POM121: variants seen among roughly 807,000 people sequenced by gnomAD.
POM121 encodes nuclear envelope pore membrane protein POM 121.
A neutral mutation model predicts 81.3 loss-of-function variants in POM121; 32 were observed. The observed-to-expected ratio is 0.39, with a 90% CI of 0.30 to 0.53. The LOEUF (loss-of-function observed/expected upper bound fraction) is 0.53, where lower values mean the gene tolerates loss of function less well. Ranked by LOEUF, POM121 falls within the 20% of genes least tolerant of loss-of-function variation. POM121 has a pLI of 0.66. For missense variants in POM121, 1,138 were observed against 1,614.6 expected, an observed-to-expected ratio of 0.70 and a Z score of 5.06; for synonymous variants, 514 against 694.2, an observed-to-expected ratio of 0.74 and a Z score of 4.08.
chr7:72,910,186 G>A (rs1220858508), intron 3 of POM121, among the ~76,000 whole-genome samples: 2 of 152,164 alleles, frequency 1.3e-5, no homozygotes, highest in Non-Finnish European at 2.9e-5. Flanking sequence ...TTTTCAATGC[G>A]AAAATAAAAT....
At chr7:72,948,932 T>C (rs546567241), downstream of POM121, 48 of 1,612,632 alleles carry the variant, frequency 3.0e-5, no homozygotes, top group South Asian at 8.8e-5. Context: ...TCTTGTACCA[T>C]GTCTTCATTC....
intron 3 of POM121, among the ~76,000 whole-genome samples, chr7:72,903,205 G>A (rs1792882806): frequency 6.6e-6 from 1 of 152,214 alleles, no homozygotes; most frequent in South Asian, 2.1e-4. Flanking sequence ...GGAGGCCAAG[G>A]TGGGCAGATT....
chr7:72,892,833 A>G (rs1554491112), intron 3 of POM121, among the ~76,000 whole-genome samples: 3 of 151,784 alleles, frequency 2.0e-5, no homozygotes, highest in African/African-American at 7.3e-5. Context: ...TGCCTGGCTA[A>G]TTTTTATATT....
rs1554500467 is a variant in POM121 at position 72,939,889 on chromosome 7, A to T, written c.1484A>T (p.Gln495Leu). ...TPRKKQNSNSQSTPGSSGQRK... is the reference protein window; with the variant it reads ...TPRKKQNSNSLSTPGSSGQRK... The stretch of plus-strand genomic sequence containing the variant: ...AGGAAGAAACAAAACTCGAATTCTC[A>T]GTCTACACCTGGCAGCTCTGGGCAG... Residue 495 changes from glutamine to leucine, a missense_variant, in exon 8 of 13, where the codon CAG becomes CTG. This residue lies in a region of POM121 where 24 missense variants were observed against 54.3 expected (regional missense o/e 0.44). Transcript: ENST00000434423. The T allele has an allele frequency of 2.5e-6, 4 of 1,609,816 alleles. No individual in the cohort carries two copies. In the South Asian group the frequency reaches 4.4e-5, roughly 18 times the overall value.
At chr7:72,920,644 G>A (rs1248610542), upstream of POM121, among the ~76,000 whole-genome samples, 11 of 150,204 alleles carry the variant, frequency 7.3e-5, no homozygotes, top group East Asian at 2.0e-4. Context: ...GTGAGCCACC[G>A]TGCCCAGCCA....
At chr7:72,918,294 G>A (rs1794483303) in intron 4 of POM121, among the ~76,000 whole-genome samples, 1 of 152,110 alleles carries the variant, frequency 6.6e-6, no homozygotes, top group Admixed American at 6.5e-5. Flanking sequence ...GTTTTTCCTT[G>A]ACACTTTTCG....
chr7:72,879,747 G>C, exon 1 of POM121: 3 of 479,224 alleles, frequency 6.3e-6, no homozygotes, highest in South Asian at 4.5e-5. Context: ...CCGTAGGCCC[G>C]GCCCGGGCCC....
chr7:72,892,705 G>T (rs71560457), intron 3 of POM121, among the ~76,000 whole-genome samples: 1 of 146,380 alleles, frequency 6.8e-6, no homozygotes, highest in Non-Finnish European at 1.5e-5. Context: ...CGCTCTTGTC[G>T]CCCAGGCTGG....
At position 72,946,246 on chromosome 7, in the gene POM121, T is replaced by C. The variant is rs1797681345; in HGVS notation, c.*12T>C. ...CCCGCAAAAAGTAGCCTTTGTCCCC[T>C]GTCCCTGTTCCCCCCACCCCTTCCC... On this transcript the variant is annotated 3_prime_UTR_variant, in exon 13 of 13. Transcript: ENST00000434423. 9 of 1,610,174 alleles carry C rather than the reference T, an allele frequency of 5.6e-6. No individual in the cohort carries two copies. The highest frequency in any genetic ancestry group is 2.3e-4 in the Middle Eastern group (1 of 4,440).
intron 3 of POM121, among the ~76,000 whole-genome samples, chr7:72,898,979 CTTTTTTTTT>C (rs1176371162): frequency 5.9e-5 from 2 of 34,102 alleles, no homozygotes; most frequent in East Asian, 9.0e-4. Flanking sequence ...CTTTTCTTTT[CTTTTTTTTT>C]TTTTTTTTTT....
At position 72,936,223 on chromosome 7, in the gene POM121, C is replaced by A. The variant is rs559713092; in HGVS notation, c.1276-2367C>A. Among the ~76,000 whole-genome samples, 307 of 152,194 alleles carry A rather than the reference C, an allele frequency of 2.0e-3. 2 individuals are homozygous for A. Among genetic ancestry groups the A allele is most frequent in the African/African-American group, 5.6e-3 (232 of 41,508 alleles). ...TTTTTTCTTGGTAGAGATGAGACTTCACTATGTTACCTAGGCTGGTCTCAA... is the reference window on the plus strand; with the variant it reads ...TTTTTTCTTGGTAGAGATGAGACTTAACTATGTTACCTAGGCTGGTCTCAA... On this transcript the variant is annotated intron_variant, in intron 5 of 12. Coordinates refer to ENST00000434423, the MANE Select transcript of POM121 (RefSeq NM_001387691.1).
At chr7:72,890,167 A>G (rs1791158992) in intron 1 of POM121, among the ~76,000 whole-genome samples, 1 of 152,108 alleles carries the variant, frequency 6.6e-6, no homozygotes, top group South Asian at 2.1e-4. Context: ...AAGGAGCTGA[A>G]ACTAGGTGAG....
chr7:72,894,829 T>C (rs1185407240), intron 3 of POM121, among the ~76,000 whole-genome samples: 3 of 151,862 alleles, frequency 2.0e-5, no homozygotes, highest in Non-Finnish European at 4.4e-5. Flanking sequence ...CCTGGCTAAT[T>C]TTAAAAGTTT....
At chr7:72,945,827 T>G in intron 12 of POM121, 119 bp downstream of exon 12, 1 of 1,464,082 alleles carries the variant, frequency 6.8e-7, no homozygotes, top group Non-Finnish European at 9.1e-7. Context: ...GAAAGACATT[T>G]CGGGTTAGGA....
chr7:72,943,040 A>C lies in POM121; in HGVS notation c.3047A>C (p.Lys1016Thr). ...ACACCTGCACCTCCGTCCATGATCA[A>C]GGTCGTGCCTGCGTACGTGCCTACG... is the stretch of plus-strand genomic sequence containing the variant. Reference protein sequence around the residue: ...APTPAPPSMIKVVPAYVPTPI... With the variant: ...APTPAPPSMITVVPAYVPTPI... The change falls in exon 11 of 13, where the codon AAG becomes ACG. Residue 1016 changes from lysine to threonine, a missense_variant. Lys to Thr is a moderately conservative substitution (Grantham distance 78). Around this residue, in one of 7 missense-constraint regions of POM121, gnomAD observed 336 missense variants for 344.3 expected, o/e 0.98. Coordinates refer to ENST00000434423, the MANE Select transcript of POM121 (RefSeq NM_001387691.1). 1 of 1,613,822 alleles carries C rather than the reference A, an allele frequency of 6.2e-7. No individual in the cohort carries two copies. Among genetic ancestry groups the C allele is most frequent in the Non-Finnish European group, 8.5e-7 (1 of 1,179,850 alleles).
chr7:72,939,728 G>T (rs1252148691), intron 7 of POM121, 119 bp from the exon 8 acceptor site: 1 of 1,607,482 alleles, frequency 6.2e-7, no homozygotes, highest in Admixed American at 1.7e-5. Flanking sequence ...AACCATAGAA[G>T]ATTGAATCTT....
intron 2 of POM121, 150 bp downstream of exon 2, chr7:72,926,627 T>G: frequency 1.3e-6 from 2 of 1,485,352 alleles, no homozygotes; most frequent in Non-Finnish European, 1.8e-6. Context: ...CCCTTTTGTT[T>G]TTCACTTTTT....
intron 5 of POM121, among the ~76,000 whole-genome samples, chr7:72,930,795 A>G (rs1318683059): frequency 6.6e-6 from 1 of 152,094 alleles, no homozygotes; most frequent in Non-Finnish European, 1.5e-5. Context: ...GGAGTTCAAG[A>G]CTAGCCTGTG....
chr7:72,907,289 G>T (rs1563142787), intron 3 of POM121, among the ~76,000 whole-genome samples: 1 of 151,860 alleles, frequency 6.6e-6, no homozygotes, highest in Non-Finnish European at 1.5e-5. Context: ...AGGCCCCTTT[G>T]CCCTTTTTTA....
Sources: gnomAD v4.1 joint callset for allele counts (sites outside exome capture counted in the v4.1 genomes callset) on GRCh38, gnomAD v4.1.1 for gene constraint, gnomAD v4.1.1 regional missense constraint, MANE v1.5 for transcripts, NCBI Gene and HGNC (gene_info 2026-07-23, HGNC 2026-07-21) for gene names.